LAMA2: variants seen among roughly 807,000 people sequenced by gnomAD.
The protein encoded by LAMA2 is laminin subunit alpha-2.
A neutral mutation model predicts 364.8 loss-of-function variants in LAMA2; 269 were observed. That is an observed-to-expected ratio of 0.74 (90% CI 0.67 to 0.82). The LOEUF is 0.82. Ranked by LOEUF, LAMA2 falls within the 40% of genes least tolerant of loss-of-function variation. The pLI, the probability that LAMA2 is intolerant of heterozygous loss-of-function variation, is 0.00. For missense variants in LAMA2, 3,807 were observed against 3,873.2 expected, an observed-to-expected ratio of 0.98 and a Z score of 0.45; for synonymous variants, 1,379 against 1,370.6, an observed-to-expected ratio of 1.01 and a Z score of -0.14.
chr6:129,154,931 CTG>C (rs1779019982), intron 8 of LAMA2, among the ~76,000 whole-genome samples: 1 of 152,282 alleles, frequency 6.6e-6, no homozygotes, highest in Middle Eastern at 3.4e-3. Context: ...TAGGCAAACT[CTG>C]TTCTGATTTT....
rs1478857813 is a variant in LAMA2 at position 129,452,971 on chromosome 6, T to A, written c.6430-17T>A. On this transcript the variant is annotated splice_polypyrimidine_tract_variant and intron_variant, in intron 45 of 64. Transcript: ENST00000421865. ...AGAGATTTACTCTTGGTTCTTTGTA[T>A]CTTGTTTTTTTTAAAGATCAAAGTA... 8 of 1,609,370 alleles carry A rather than the reference T, an allele frequency of 5.0e-6. No individual in the cohort carries two copies. The highest frequency in any genetic ancestry group is 2.7e-5 in the African/African-American group (2 of 74,834).
At chr6:129,504,436 A>T (rs1785895774) in intron 60 of LAMA2, among the ~76,000 whole-genome samples, 1 of 152,254 alleles carries the variant, frequency 6.6e-6, no homozygotes, top group African/African-American at 2.4e-5. Flanking sequence ...TTCCCAAACC[A>T]GAATAGATAT....
intron 34 of LAMA2, among the ~76,000 whole-genome samples, chr6:129,376,437 TC>T (rs547528380): frequency 7.2e-4 from 110 of 152,292 alleles, no homozygotes; most frequent in African/African-American, 2.6e-3. Flanking sequence ...CCAAATCTGT[TC>T]TCCGTAACGT....
intron 15 of LAMA2, among the ~76,000 whole-genome samples, chr6:129,264,311 A>G (rs950156867): frequency 5.3e-5 from 8 of 152,088 alleles, no homozygotes; most frequent in African/African-American, 1.9e-4. Flanking sequence ...AGAATGAGTC[A>G]TAGATGACCA....
intron 22 of LAMA2, among the ~76,000 whole-genome samples, chr6:129,310,206 A>G (rs1344065067): frequency 6.6e-6 from 1 of 152,182 alleles, no homozygotes; most frequent in Non-Finnish European, 1.5e-5. Flanking sequence ...GCCGATAATC[A>G]TTTTAATAAC....
intron 37 of LAMA2, among the ~76,000 whole-genome samples, chr6:129,396,426 C>G (rs914465712): frequency 6.6e-6 from 1 of 152,100 alleles, no homozygotes; most frequent in African/African-American, 2.4e-5. Flanking sequence ...GGAACCCCAG[C>G]CAGAGCTTTG....
intron 12 of LAMA2, among the ~76,000 whole-genome samples, chr6:129,211,165 A>G (rs1426097588): frequency 6.6e-6 from 1 of 152,196 alleles, no homozygotes; most frequent in East Asian, 1.9e-4. Context: ...CCTACAAAAT[A>G]TGGTAAAGTG....
intron 1 of LAMA2, among the ~76,000 whole-genome samples, chr6:128,993,321 T>A (rs1783721694): frequency 6.6e-6 from 1 of 152,226 alleles, no homozygotes; most frequent in Admixed American, 6.5e-5. Flanking sequence ...AACAGTTGCG[T>A]CTCACAAATT....
chr6:129,405,475 C>T (rs1173198703), intron 40 of LAMA2, among the ~76,000 whole-genome samples: 1 of 152,078 alleles, frequency 6.6e-6, no homozygotes, highest in Non-Finnish European at 1.5e-5. Flanking sequence ...GCTAACCAAC[C>T]TCAAACAGAG....
intron 29 of LAMA2, among the ~76,000 whole-genome samples, chr6:129,328,656 A>G (rs1350961120): frequency 6.6e-6 from 1 of 152,266 alleles, no homozygotes; most frequent in Non-Finnish European, 1.5e-5. Flanking sequence ...GAGCACCAGA[A>G]GACATACCTA....
chr6:129,158,302 C>G, intron 8 of LAMA2: 2 of 1,614,084 alleles, frequency 1.2e-6, no homozygotes, highest in South Asian at 1.1e-5. Context: ...ATTTCTGTTT[C>G]TCGAAACCAG....
In LAMA2 at chr6:129,165,602, C is replaced by A. The variant is rs1583169005; in HGVS notation, c.1233C>A (p.Cys411Ter). 3.7e-6 allele frequency: 6 copies of A among 1,612,128 alleles called. No homozygotes were observed. The highest frequency in any genetic ancestry group is 4.2e-6 in the Non-Finnish European group (5 of 1,178,562). ...TATCTCCAAATTATCCAAGGCCATGCCAGCCATGTCATTGCGATCCAATTG... is the reference window on the plus strand; with the variant it reads ...TATCTCCAAATTATCCAAGGCCATGACAGCCATGTCATTGCGATCCAATTG... The part of the protein sequence containing the change: ...KGVSPNYPRP[C>*]QPCHCDPIGS... Residue 411 changes from cysteine to a stop codon, truncating the protein, a stop_gained, in exon 9 of 65, where the codon TGC (cysteine) becomes TGA (stop). Transcript: ENST00000421865. LOFTEE classifies it high-confidence loss of function.
intron 18 of LAMA2, 40 bp from the exon 19 acceptor site, chr6:129,287,807 G>A: frequency 6.7e-7 from 1 of 1,494,252 alleles, no homozygotes; most frequent in Non-Finnish European, 9.3e-7. Flanking sequence ...CCCCAACTGA[G>A]GTCCCCCCAA....
rs543094067 is a variant in LAMA2, at chr6:129,421,389, TA to T, written c.5866-6352del. ...AAGAGAATACCAAGAATTTATTGTT[TA>T]AAAAAAAAAACCTCTAAAAAGCAAG... On this transcript the variant is annotated intron_variant, in intron 40 of 64. Coordinates refer to ENST00000421865, the MANE Select transcript of LAMA2 (RefSeq NM_000426.4). Among the ~76,000 whole-genome samples, 753 of 146,046 alleles carry T rather than the reference TA, an allele frequency of 5.2e-3. 5 individuals carry two copies. The highest frequency in any genetic ancestry group is 0.017 in the African/African-American group (667 of 39,968).
chr6:129,169,091 A>G (rs963326692), intron 9 of LAMA2, among the ~76,000 whole-genome samples: 1 of 152,118 alleles, frequency 6.6e-6, no homozygotes, highest in African/African-American at 2.4e-5. Context: ...TAGATATACA[A>G]TCATGTCGTC....
At position 129,481,432 on chromosome 6, in the gene LAMA2, C is replaced by T. The variant is rs1369396552; in HGVS notation, c.7742C>T (p.Thr2581Ile). 1.2e-6 allele frequency: 2 copies of T among 1,612,988 alleles called. No homozygotes were observed. The highest frequency in any genetic ancestry group is 8.5e-7 in the Non-Finnish European group (1 of 1,179,002). Residue 2581 changes from threonine to isoleucine, a missense_variant, in exon 55 of 65, where the codon ACT becomes ATT. By Grantham distance (89) the Thr-to-Ile change is moderately conservative. This residue lies in a region of LAMA2 where 3,333 missense variants were observed against 3,345.7 expected (regional missense o/e 1.00). Coordinates refer to ENST00000421865, the MANE Select transcript of LAMA2 (RefSeq NM_000426.4). ...CCACCTAGGAGAAAACGAAGGCAGA[C>T]TGGACAGGTACCCTCACACCTAGCT... ...PAPPRRKRRQ[T>I]GQAYYAILLN...
At chr6:129,157,811 A>G (rs1779207780) in intron 8 of LAMA2, 3 of 1,613,644 alleles carry the variant, frequency 1.9e-6, no homozygotes, top group Admixed American at 1.7e-5. Flanking sequence ...CCATCTCCCA[A>G]ATGATTAGGC....
At chr6:128,983,220 G>A (rs1783006643) in intron 1 of LAMA2, among the ~76,000 whole-genome samples, 1 of 152,038 alleles carries the variant, frequency 6.6e-6, no homozygotes, top group Non-Finnish European at 1.5e-5. Context: ...CTAGTTTACA[G>A]TCCCACCAAC....
At chr6:129,422,328 T>G (rs1412630492) in intron 40 of LAMA2, among the ~76,000 whole-genome samples, 1 of 152,056 alleles carries the variant, frequency 6.6e-6, no homozygotes, top group East Asian at 1.9e-4. Context: ...CAGGTGATAT[T>G]CAGAAATGCA....
Sources: gnomAD v4.1 joint callset for allele counts (sites outside exome capture counted in the v4.1 genomes callset) on GRCh38, gnomAD v4.1.1 for gene constraint, gnomAD v4.1.1 regional missense constraint, MANE v1.5 for transcripts, NCBI Gene and HGNC (gene_info 2026-07-23, HGNC 2026-07-21) for gene names.